ASB3: variants seen among roughly 807,000 people sequenced by gnomAD.
ASB3 encodes the protein ankyrin repeat and SOCS box protein 3.
In ASB3, 41 loss-of-function variants were observed where a neutral mutation model predicts 54.5. The ratio of observed to expected loss-of-function variants is 0.75; its 90% CI spans 0.59 to 0.98. The LOEUF (loss-of-function observed/expected upper bound fraction) is 0.98, where lower values mean the gene tolerates loss of function less well. Among genes scored for constraint, ASB3 ranks in the 50% least tolerant of loss-of-function variants. ASB3 has a pLI of 0.00. For synonymous variants in ASB3, 266 were observed against 221.2 expected (o/e 1.20, Z -1.80); for missense variants, 733 against 620.0 (o/e 1.18, Z -1.94).
chr2:53,737,031 A>G (rs115934532), intron 3 of ASB3, among the ~76,000 whole-genome samples: 54 of 152,344 alleles, frequency 3.5e-4, no homozygotes, highest in African/African-American at 1.2e-3. Context: ...TTCTCTTTTT[A>G]AGATTCCCTC....
chr2:53,711,748 T>C (rs542694298), intron 7 of ASB3, among the ~76,000 whole-genome samples: 89 of 151,512 alleles, frequency 5.9e-4, no homozygotes, highest in Non-Finnish European at 1.1e-3. Flanking sequence ...TACTCCAGTC[T>C]GGGCAACACA....
intron 9 of ASB3, among the ~76,000 whole-genome samples, chr2:53,679,201 C>T (rs149044752): frequency 6.6e-6 from 1 of 152,312 alleles, no homozygotes; most frequent in East Asian, 1.9e-4. Context: ...ACAAAGAAAA[C>T]TAAGCAATGC....
Position 53,728,724 on chromosome 2 carries a change from G to T in ASB3, c.592C>A (p.Leu198Ile). The part of the protein sequence containing the change: ...QYGKLESLSI[L>I]ISSGANVNCQ... ...TGGATAATCTTACCCGATGAAATAA[G>T]TATGCTCAAGCTTTCTAGCTTGCCA... Residue 198 changes from leucine to isoleucine, a missense_variant, in exon 5 of 10, where the codon CTT becomes ATT. Leu to Ile is a conservative substitution (Grantham distance 5, BLOSUM62 2). Transcript: ENST00000263634. The T allele has an allele frequency of 6.2e-7, 1 of 1,605,158 alleles. No homozygotes were observed.
rs943844024 is a variant in ASB3, at chr2:53,679,237, T to A, written c.1370-8547A>T. Among the ~76,000 whole-genome samples the A allele has an allele frequency of 2.0e-4, 31 of 152,202 alleles. 1 individual carries two copies. The highest frequency in any genetic ancestry group is 1.5e-5 in the Non-Finnish European group (1 of 68,028). On this transcript the variant is annotated intron_variant, in intron 9 of 9. Transcript: ENST00000263634. ...TGGAAAATACAACTACATGAACTGG[T>A]TCCACTTCCAACCTCTACCAGACCT...
intron 1 of ASB3, among the ~76,000 whole-genome samples, chr2:53,785,617 C>G (rs186786634): frequency 1.3e-5 from 2 of 152,152 alleles, no homozygotes. Context: ...CCGAGGAGGG[C>G]GGATCACCCG....
intron 7 of ASB3, among the ~76,000 whole-genome samples, chr2:53,702,563 T>C (rs895703287): frequency 6.6e-6 from 1 of 152,206 alleles, no homozygotes; most frequent in Non-Finnish European, 1.5e-5. Context: ...CAAAAGTCTA[T>C]CTTGTTTAAC....
In ASB3 at chr2:53,765,254, C is replaced by A. The variant is rs1197901003; in HGVS notation, c.196+123G>T. 2.3e-6 allele frequency: 3 copies of A among 1,311,162 alleles called. No individual in the cohort carries two copies. The East Asian group carries it at 7.5e-5, about 33-fold the overall frequency. 81.2% of individuals were successfully genotyped at this position (1,311,162 alleles called of 1,614,324 possible). A position where few individuals can be genotyped will look rare whatever the true frequency, so the allele number is the denominator to read the frequency against. On this transcript the variant is annotated intron_variant, in intron 2 of 9. Coordinates refer to ENST00000263634, the MANE Select transcript of ASB3 (RefSeq NM_016115.5). ...ACTATCCTTAATAAATAAATTCAGG[C>A]AGTTATTTTATGACTATAGAAAGGG... is the stretch of plus-strand genomic sequence containing the variant.
chr2:53,690,561 G>A (rs533838636), intron 9 of ASB3, among the ~76,000 whole-genome samples: 36 of 152,192 alleles, frequency 2.4e-4, no homozygotes, highest in African/African-American at 8.2e-4. Context: ...TGAGGAATGG[G>A]TTTATTTTAT....
chr2:53,728,598 A>C lies in ASB3; in HGVS notation c.604+114T>G, dbSNP rs981181358. ...GTATTTACTCTTATTTACCACTTACATAAAACCATAAATTTCACAACCTGA... is the reference window on the plus strand; with the variant it reads ...GTATTTACTCTTATTTACCACTTACCTAAAACCATAAATTTCACAACCTGA... On this transcript the variant is annotated intron_variant, in intron 5 of 9. Transcript: ENST00000263634. 6 of 1,324,196 alleles carry C rather than the reference A, an allele frequency of 4.5e-6. No homozygotes were observed. In the African/African-American group the frequency reaches 5.8e-5, roughly 13 times the overall value. The allele number at this position is 1,324,196 out of a possible 1,614,324, so 82.0% of individuals were successfully genotyped here.
Position 53,716,880 on chromosome 2 carries a change from A to T in ASB3, c.605-137T>A, listed in dbSNP as rs929504050. The T allele has an allele frequency of 4.0e-6, 4 of 991,226 alleles. No individual in the cohort carries two copies. The African/African-American group carries it at 4.9e-5, about 12-fold the overall frequency. The allele number at this position is 991,226 out of a possible 1,614,324, so 61.4% of individuals were successfully genotyped here. On this transcript the variant is annotated intron_variant, in intron 5 of 9. Coordinates refer to ENST00000263634, the MANE Select transcript of ASB3 (RefSeq NM_016115.5). ...TCTTCACTGAATGTTGGATGTTGTT[A>T]TATAAACATATTTACTTTGCTAACT...
At chr2:53,746,217 C>T (rs895423022) in intron 3 of ASB3, among the ~76,000 whole-genome samples, 22 of 151,986 alleles carry the variant, frequency 1.4e-4, no homozygotes, top group African/African-American at 5.3e-4. Context: ...ATAACTTGAG[C>T]CCAATAGTTT....
intron 7 of ASB3, among the ~76,000 whole-genome samples, chr2:53,708,029 C>T (rs529688557): frequency 3.3e-5 from 5 of 151,940 alleles, no homozygotes; most frequent in East Asian, 1.9e-4. Flanking sequence ...AATATCAGTC[C>T]CCACCCTAGA....
chr2:53,768,336 A>C (rs936722803), intron 1 of ASB3: 1 of 253,936 alleles, frequency 3.9e-6, no homozygotes, highest in Non-Finnish European at 7.5e-6. Flanking sequence ...AACCTCTGCC[A>C]AAAGAAAAAA....
At chr2:53,737,579 C>T (rs942284140) in intron 3 of ASB3, among the ~76,000 whole-genome samples, 1 of 152,040 alleles carries the variant, frequency 6.6e-6, no homozygotes, top group Non-Finnish European at 1.5e-5. Context: ...GGCCATGGAA[C>T]TCCTAAGACT....
chr2:53,727,952 C>T (rs911622907), intron 5 of ASB3, among the ~76,000 whole-genome samples: 28 of 152,104 alleles, frequency 1.8e-4, no homozygotes, highest in African/African-American at 6.5e-4. Flanking sequence ...TCTCAAACTC[C>T]TGATCTCAAG....
rs143366196 is a variant in ASB3, at chr2:53,774,305, C to T, written c.-13-8720G>A. 3.7e-4 allele frequency: 599 copies of T among 1,613,914 alleles called. 2 individuals are homozygous for T. The Middle Eastern group carries it at 7.4e-3, about 20-fold the overall frequency. ...TTCAGTGTATTGCTATATATTGGAACATGTGATAATCCTGATTATCTTGGT... is the reference window on the plus strand; with the variant it reads ...TTCAGTGTATTGCTATATATTGGAATATGTGATAATCCTGATTATCTTGGT... On this transcript the variant is annotated intron_variant, in intron 1 of 9. Transcript: ENST00000263634.
intron 2 of ASB3, among the ~76,000 whole-genome samples, chr2:53,760,013 T>C (rs1448530241): frequency 6.6e-6 from 1 of 152,180 alleles, no homozygotes; most frequent in African/African-American, 2.4e-5. Flanking sequence ...GATCTGTCAC[T>C]ATCTGAGGGG....
At chr2:53,671,149 C>T (rs1667789779) in intron 9 of ASB3, among the ~76,000 whole-genome samples, 1 of 152,132 alleles carries the variant, frequency 6.6e-6, no homozygotes, top group Non-Finnish European at 1.5e-5. Context: ...TTTTAATTGA[C>T]TCTGAGAGAA....
intron 1 of ASB3, among the ~76,000 whole-genome samples, chr2:53,783,157 C>T (rs1437231319): frequency 1.3e-5 from 2 of 151,840 alleles, no homozygotes; most frequent in East Asian, 1.9e-4. Context: ...GAGCTATTTC[C>T]GGGAATGGGA....
Sources: gnomAD v4.1 joint callset for allele counts (sites outside exome capture counted in the v4.1 genomes callset) on GRCh38, gnomAD v4.1.1 for gene constraint, MANE v1.5 for transcripts, NCBI Gene and HGNC (gene_info 2026-07-23, HGNC 2026-07-21) for gene names.